Variants in UBASH3B observed in about 807,000 individuals in gnomAD.
UBASH3B encodes ubiquitin associated and SH3 domain containing B, also known as ubiquitin-associated and SH3 domain-containing protein B.
In UBASH3B, 37 loss-of-function variants were observed where a neutral mutation model predicts 83.4. The observed-to-expected ratio is 0.44, with a 90% CI of 0.34 to 0.58. UBASH3B has a LOEUF of 0.58. UBASH3B is among the 20% of genes least tolerant of loss of function. The pLI, the probability that UBASH3B is intolerant of heterozygous loss-of-function variation, is 0.01. For synonymous variants in UBASH3B, 304 were observed against 318.3 expected (o/e 0.96, Z 0.48); for missense variants, 657 against 827.2 (o/e 0.79, Z 2.52).
intron 5 of UBASH3B, among the ~76,000 whole-genome samples, chr11:122,785,966 A>G (rs991179586): frequency 6.6e-6 from 1 of 152,218 alleles, no homozygotes; most frequent in African/African-American, 2.4e-5. Flanking sequence ...TTCATTCAGC[A>G]AACTGAGTTC....
intron 5 of UBASH3B, among the ~76,000 whole-genome samples, chr11:122,784,201 T>C (rs1860908874): frequency 6.6e-6 from 1 of 152,170 alleles, no homozygotes; most frequent in Admixed American, 6.5e-5. Context: ...CTCAAAGTGC[T>C]GGGATTACAA....
At chr11:122,773,182 T>A (rs755327284) in intron 1 of UBASH3B, among the ~76,000 whole-genome samples, 4 of 152,240 alleles carry the variant, frequency 2.6e-5, no homozygotes, top group African/African-American at 4.8e-5. Flanking sequence ...TACTCCCACT[T>A]GCCCTTGGCA....
intron 1 of UBASH3B, among the ~76,000 whole-genome samples, chr11:122,718,174 C>T (rs1026246480): frequency 6.6e-6 from 1 of 152,194 alleles, no homozygotes; most frequent in African/African-American, 2.4e-5. Context: ...ATCCTCCCGC[C>T]TTGGCCTCCC....
At chr11:122,744,218 C>T (rs927143538) in intron 1 of UBASH3B, among the ~76,000 whole-genome samples, 6 of 152,106 alleles carry the variant, frequency 3.9e-5, no homozygotes, top group Non-Finnish European at 2.9e-5. Context: ...ATGGCTCAGG[C>T]TGTGTGTGTG....
At chr11:122,791,954 T>C (rs1041038244) in intron 6 of UBASH3B, among the ~76,000 whole-genome samples, 1 of 152,206 alleles carries the variant, frequency 6.6e-6, no homozygotes. Context: ...CCTGGTGTGT[T>C]GCAGGGAGAA....
At chr11:122,717,748 T>A (rs545479976) in intron 1 of UBASH3B, among the ~76,000 whole-genome samples, 1 of 152,214 alleles carries the variant, frequency 6.6e-6, no homozygotes, top group East Asian at 1.9e-4. Flanking sequence ...TGGTGGCAGT[T>A]CTATAACTCT....
chr11:122,698,941 C>G (rs1240943071), intron 1 of UBASH3B, among the ~76,000 whole-genome samples: 1 of 152,166 alleles, frequency 6.6e-6, no homozygotes, highest in Non-Finnish European at 1.5e-5. Context: ...ACATCCACCT[C>G]CCAGTTCAAG....
chr11:122,757,706 TC>T (rs1861303558), intron 1 of UBASH3B, among the ~76,000 whole-genome samples: 2 of 143,080 alleles, frequency 1.4e-5, no homozygotes, highest in African/African-American at 5.2e-5. Flanking sequence ...GACCTTCTTT[TC>T]CCTTTTTTTT....
At chr11:122,725,486 C>T (rs1860722512) in intron 1 of UBASH3B, among the ~76,000 whole-genome samples, 1 of 151,886 alleles carries the variant, frequency 6.6e-6, no homozygotes, top group South Asian at 2.1e-4. Flanking sequence ...CTGATTCAGC[C>T]CACGACATTC....
intron 1 of UBASH3B, among the ~76,000 whole-genome samples, chr11:122,761,208 C>T (rs1861365653): frequency 6.6e-6 from 1 of 152,208 alleles, no homozygotes; most frequent in South Asian, 2.1e-4. Context: ...GATACTAACC[C>T]ATCCTCCTGG....
chr11:122,798,199 T>G (rs1440098816), intron 9 of UBASH3B, among the ~76,000 whole-genome samples: 1 of 152,140 alleles, frequency 6.6e-6, no homozygotes. Context: ...GTGGATTTTA[T>G]GAGGATAGCA....
intron 1 of UBASH3B, among the ~76,000 whole-genome samples, chr11:122,748,016 G>A (rs1861146464): frequency 1.3e-5 from 2 of 152,332 alleles, no homozygotes; most frequent in East Asian, 1.9e-4. Context: ...AGTAGCAGCA[G>A]CTATGAAATC....
chr11:122,780,754 G>C (rs1174452037), intron 4 of UBASH3B, among the ~76,000 whole-genome samples: 1 of 152,224 alleles, frequency 6.6e-6, no homozygotes, highest in African/African-American at 2.4e-5. Context: ...GCAGGCATGA[G>C]ATGGTGTGAG....
At chr11:122,767,446 G>A (rs1860566370) in intron 1 of UBASH3B, among the ~76,000 whole-genome samples, 1 of 152,050 alleles carries the variant, frequency 6.6e-6, no homozygotes, top group African/African-American at 2.4e-5. Context: ...AAGTAGCTGG[G>A]ACTACAGGCA....
chr11:122,679,531 C>T (rs537578545), intron 1 of UBASH3B, among the ~76,000 whole-genome samples: 15 of 152,320 alleles, frequency 9.8e-5, no homozygotes, highest in African/African-American at 3.6e-4. Context: ...AGAATCTCCA[C>T]TTTAATAAGA....
At chr11:122,743,645 G>A (rs7942399) in intron 1 of UBASH3B, among the ~76,000 whole-genome samples, 146,909 of 152,336 alleles carry the variant, frequency 0.96, 71,058 homozygotes, top group Middle Eastern at 1. Flanking sequence ...AAAAACTGTA[G>A]AACACAAAGT....
intron 1 of UBASH3B, among the ~76,000 whole-genome samples, chr11:122,688,454 T>TG (rs1863836757): frequency 6.8e-6 from 1 of 146,530 alleles, no homozygotes; most frequent in Non-Finnish European, 1.5e-5. Flanking sequence ...GTTTGTTTGT[T>TG]TTTTTTTTTG....
chr11:122,801,884 T>G (rs540884566), intron 11 of UBASH3B, among the ~76,000 whole-genome samples: 3 of 152,378 alleles, frequency 2.0e-5, no homozygotes, highest in African/African-American at 7.2e-5. Flanking sequence ...ATTTTCCACA[T>G]GTCCAGCACC....
At chr11:122,714,871 C>T (rs575853655) in intron 1 of UBASH3B, among the ~76,000 whole-genome samples, 1 of 152,320 alleles carries the variant, frequency 6.6e-6, no homozygotes, top group African/African-American at 2.4e-5. Context: ...CTTCTCTCAT[C>T]TGTAAAGTGA....
Sources: allele counts gnomAD v4.1 joint callset (sites outside exome capture counted in the v4.1 genomes callset), GRCh38; gene constraint gnomAD v4.1.1; transcripts MANE v1.5; gene names NCBI Gene and HGNC (gene_info 2026-07-23, HGNC 2026-07-21).